Variants in TNRC6B observed in about 807,000 individuals in gnomAD.
TNRC6B encodes the protein trinucleotide repeat containing adaptor 6B.
TNRC6B carries 52 observed loss-of-function variants against 203.6 expected under a neutral mutation model. That is an observed-to-expected ratio of 0.26 (90% CI 0.20 to 0.32). The LOEUF (loss-of-function observed/expected upper bound fraction) is 0.32, where lower values mean the gene tolerates loss of function less well. Among genes scored for constraint, TNRC6B ranks in the 10% least tolerant of loss-of-function variants. The pLI, the probability that TNRC6B is intolerant of heterozygous loss-of-function variation, is 1.00. For missense variants in TNRC6B, 1,923 were observed against 2,286.2 expected, an observed-to-expected ratio of 0.84 and a Z score of 3.24; for synonymous variants, 838 against 845.7, an observed-to-expected ratio of 0.99 and a Z score of 0.16.
In TNRC6B at chr22:40,332,709, C is replaced by A. The variant is rs974064238; in HGVS notation, c.*9468C>A. On this transcript the variant is annotated 3_prime_UTR_variant, in exon 23 of 23. Coordinates refer to ENST00000454349, the MANE Select transcript of TNRC6B (RefSeq NM_001162501.2). Reference sequence around the variant, plus strand: ...AATAAAATCCTGACGTTTCAACTGTCTCACACAAAATAATACCTCGAGGTA... The same window carrying A: ...AATAAAATCCTGACGTTTCAACTGTATCACACAAAATAATACCTCGAGGTA... 3.3e-5 allele frequency: 5 copies of A among 152,550 alleles called. No individual in the cohort carries two copies. The highest frequency in any genetic ancestry group is 1.2e-4 in the African/African-American group (5 of 41,398). The allele number at this position is 152,550 out of a possible 1,614,324, so 9.4% of individuals were successfully genotyped here. A position where few individuals can be genotyped will look rare whatever the true frequency, so the allele number is the denominator to read the frequency against.
intron 3 of TNRC6B, among the ~76,000 whole-genome samples, chr22:40,129,176 G>A (rs1269987433): frequency 6.6e-6 from 1 of 152,146 alleles, no homozygotes; most frequent in Non-Finnish European, 1.5e-5. Flanking sequence ...AGAAACCTGT[G>A]GGCCAAGTGT....
intron 1 of TNRC6B, among the ~76,000 whole-genome samples, chr22:40,184,908 G>A (rs943279254): frequency 2.0e-5 from 3 of 152,208 alleles, no homozygotes; most frequent in Non-Finnish European, 4.4e-5. Flanking sequence ...ATTGAATCCT[G>A]AGATATCCAG....
rs2146498341 is a variant in TNRC6B at position 40,264,889 on chromosome 22, G to A, written c.659G>A (p.Ser220Asn). The A allele has an allele frequency of 6.2e-7, 1 of 1,613,916 alleles. No individual in the cohort carries two copies. The highest frequency in any genetic ancestry group is 2.2e-5 in the East Asian group (1 of 44,882). Residue 220 changes from serine (S) to asparagine (N), a missense_variant, in exon 5 of 23, where the codon AGT becomes AAT. By Grantham distance (46) the Ser-to-Asn change is conservative. This residue lies in a region of TNRC6B where 614 missense variants were observed against 587.7 expected (regional missense o/e 1.04). Transcript: ENST00000454349. Reference sequence around the variant, plus strand: ...TCCGAAAACACCACCGATAACAACAGTGCCTCGAACCCTGGCTCTGAGAAG... The same window carrying A: ...TCCGAAAACACCACCGATAACAACAATGCCTCGAACCCTGGCTCTGAGAAG... Reference protein sequence around the residue: ...SSSENTTDNNSASNPGSEKST... With the variant: ...SSSENTTDNNNASNPGSEKST...
intron 3 of TNRC6B, among the ~76,000 whole-genome samples, chr22:40,131,291 C>T (rs940188017): frequency 2.0e-5 from 3 of 152,024 alleles, no homozygotes; most frequent in Non-Finnish European, 2.9e-5. Context: ...AACTGTGCAG[C>T]ATCTTCCGTA....
chr22:40,320,296 A>C (rs1018062183), intron 21 of TNRC6B, among the ~76,000 whole-genome samples: 1 of 152,192 alleles, frequency 6.6e-6, no homozygotes, highest in South Asian at 2.1e-4. Flanking sequence ...CCTGGCCAAC[A>C]TGGTGAAACC....
At chr22:40,086,331 T>C (rs1435220493) in intron 1 of TNRC6B, among the ~76,000 whole-genome samples, 1 of 152,228 alleles carries the variant, frequency 6.6e-6, no homozygotes, top group Admixed American at 6.5e-5. Flanking sequence ...TAAAATATAC[T>C]TATTTCATTA....
In TNRC6B at chr22:40,323,235, A is replaced by T. The variant is rs1472162544; in HGVS notation, c.5496A>T (p.Ser1832=). ...ACCTTCTGGGAGGAGGGTCGGATTC[A>T]ATCTGAACTTAGAACTTTCAACTCT... ...PGDLLGGGSD[S]I Residue 1832 remains serine, a synonymous_variant, in exon 23 of 23, where the codon TCA becomes TCT. Transcript: ENST00000454349. 1.9e-6 allele frequency: 3 copies of T among 1,610,308 alleles called. No individual in the cohort carries two copies. Among genetic ancestry groups the T allele is most frequent in the Non-Finnish European group, 2.5e-6 (3 of 1,179,554 alleles).
At position 40,301,134 on chromosome 22, in the gene TNRC6B, C is replaced by G; in HGVS notation, c.3937-16C>G. 6.4e-7 allele frequency: 1 copy of G among 1,552,686 alleles called. No homozygotes were observed. Among genetic ancestry groups the G allele is most frequent in the East Asian group, 2.4e-5 (1 of 40,968 alleles). Reference sequence around the variant, plus strand: ...GGGGCCGTGCTTATCACGTGTCTGTCTCTCTTGGCCCTCAGCTGGCTCGAA... The same window carrying G: ...GGGGCCGTGCTTATCACGTGTCTGTGTCTCTTGGCCCTCAGCTGGCTCGAA... On this transcript the variant is annotated splice_polypyrimidine_tract_variant and intron_variant, in intron 14 of 22. Transcript: ENST00000454349.
intron 4 of TNRC6B, among the ~76,000 whole-genome samples, chr22:40,168,025 A>G (rs551777373): frequency 1.1e-4 from 17 of 152,346 alleles, no homozygotes; most frequent in Non-Finnish European, 2.2e-4. Context: ...TTCTGGTCCT[A>G]TCTATCTGTT....
chr22:40,275,300 A>C (rs756814449), intron 7 of TNRC6B, among the ~76,000 whole-genome samples: 3 of 152,196 alleles, frequency 2.0e-5, no homozygotes, highest in Non-Finnish European at 4.4e-5. Flanking sequence ...GTTATTTACA[A>C]ATTAACAATG....
intron 17 of TNRC6B, 64 bp downstream of exon 17, chr22:40,311,057 A>G (rs1269507878): frequency 3.3e-6 from 5 of 1,493,822 alleles, no homozygotes; most frequent in Admixed American, 2.0e-5. Context: ...TTTCAGGTTC[A>G]GAATACATTG....
Position 40,273,555 on chromosome 22 carries a change from C to A in TNRC6B, c.3096C>A (p.Ser1032=). ...CTGGCTCTCAGGGCAGTGCTTCCTC[C>A]CACAACTCAGCAAGCTGGGGACAAG... is the stretch of plus-strand genomic sequence containing the variant. ...NTTGSQGSAS[S]HNSASWGQGG... The change falls in exon 7 of 23, where the codon TCC becomes TCA. Residue 1032 remains serine (S), a synonymous_variant. Coordinates refer to ENST00000454349, the MANE Select transcript of TNRC6B (RefSeq NM_001162501.2). 6.3e-7 allele frequency: 1 copy of A among 1,590,894 alleles called. No individual in the cohort carries two copies. The highest frequency in any genetic ancestry group is 2.3e-5 in the East Asian group (1 of 43,804).
intron 1 of TNRC6B, among the ~76,000 whole-genome samples, chr22:40,229,968 A>G (rs1185407494): frequency 6.6e-6 from 1 of 152,176 alleles, no homozygotes; most frequent in Admixed American, 6.5e-5. Flanking sequence ...CTCTAGAGTC[A>G]ATAACCTAGG....
chr22:40,188,333 G>C (rs2069231053), intron 1 of TNRC6B, among the ~76,000 whole-genome samples: 1 of 152,172 alleles, frequency 6.6e-6, no homozygotes, highest in Non-Finnish European at 1.5e-5. Flanking sequence ...TTGACATAGA[G>C]AAGCTTATTT....
chr22:40,131,594 C>A (rs1017040794), intron 3 of TNRC6B, among the ~76,000 whole-genome samples: 4 of 152,156 alleles, frequency 2.6e-5, no homozygotes, highest in Non-Finnish European at 5.9e-5. Flanking sequence ...GTGCTAGGAA[C>A]TGTGTTGGGT....
chr22:40,174,940 T>G (rs988196677), upstream of TNRC6B, among the ~76,000 whole-genome samples: 34 of 152,222 alleles, frequency 2.2e-4, no homozygotes, highest in African/African-American at 8.2e-4. Flanking sequence ...CAGAATCTAT[T>G]ATGTCTGGAA....
At chr22:40,130,851 G>A (rs1291118849) in intron 3 of TNRC6B, among the ~76,000 whole-genome samples, 1 of 151,406 alleles carries the variant, frequency 6.6e-6, no homozygotes, top group Non-Finnish European at 1.5e-5. Context: ...AAATATCCAG[G>A]TAAGTTGTGC....
Position 40,273,588 on chromosome 22 carries a change from G to T in TNRC6B, c.3129G>T (p.Lys1043Asn). ...HNSASWGQGG[K>N]KQMKCSLKGG... ...CAGCAAGCTGGGGACAAGGAGGAAA[G>T]AAACAAATGAAGGTAGCCTGCTTAG... Residue 1043 changes from lysine (K) to asparagine (N), a missense_variant, in exon 7 of 23, where the codon AAG becomes AAT. Coordinates refer to ENST00000454349, the MANE Select transcript of TNRC6B (RefSeq NM_001162501.2). 4 of 1,576,194 alleles carry T rather than the reference G, an allele frequency of 2.5e-6. No individual in the cohort carries two copies. Among genetic ancestry groups the T allele is most frequent in the Non-Finnish European group, 2.6e-6 (3 of 1,160,872 alleles).
intron 1 of TNRC6B, among the ~76,000 whole-genome samples, chr22:40,077,152 G>C (rs73422372): frequency 0.044 from 6,606 of 151,840 alleles, 434 homozygotes; most frequent in African/African-American, 0.14. Flanking sequence ...ATACAGTATC[G>C]TGCCTTGGAA....
Sources: gnomAD v4.1 joint callset for allele counts (sites outside exome capture counted in the v4.1 genomes callset) on GRCh38, gnomAD v4.1.1 for gene constraint, gnomAD v4.1.1 regional missense constraint, MANE v1.5 for transcripts, NCBI Gene and HGNC (gene_info 2026-07-23, HGNC 2026-07-21) for gene names.